The following CROCC2 variants were observed in gnomAD, a reference collection of about 807,000 sequenced individuals.
CROCC2 encodes the protein ciliary rootlet coiled-coil protein 2.
Under a neutral mutation model 177.6 loss-of-function variants are expected in CROCC2, and 163 were observed. That is an observed-to-expected ratio of 0.92 (90% CI 0.81 to 1.05). The LOEUF (loss-of-function observed/expected upper bound fraction) is 1.05, where lower values mean the gene tolerates loss of function less well. CROCC2 is among the 50% of genes least tolerant of loss of function. The pLI is 0.00. For missense variants in CROCC2, 1,929 were observed against 1,797.8 expected (o/e 1.07, Z -1.32); for synonymous variants, 904 against 787.3 (o/e 1.15, Z -2.48).
chr2:240,939,398 T>C (rs1003968544), intron 14 of CROCC2, among the ~76,000 whole-genome samples: 9 of 152,170 alleles, frequency 5.9e-5, no homozygotes, highest in Non-Finnish European at 1.3e-4. Context: ...ATTCAACTTA[T>C]AAATATTTTG....
At chr2:240,980,967 C>T (rs1437584353) in intron 27 of CROCC2, among the ~76,000 whole-genome samples, 34 of 88,952 alleles carry the variant, frequency 3.8e-4, no homozygotes, top group African/African-American at 5.9e-4. Flanking sequence ...CCTGCTCAGG[C>T]TCTGGGGTAG....
chr2:240,961,400 A>G (rs1559605845), intron 20 of CROCC2, among the ~76,000 whole-genome samples: 1 of 151,778 alleles, frequency 6.6e-6, no homozygotes, highest in Admixed American at 6.6e-5. Context: ...ACAGGCGTGC[A>G]CAGAAACGTG....
Position 240,963,563 on chromosome 2 carries a change from G to A in CROCC2, c.3095G>A (p.Arg1032Lys). Residue 1032 changes from arginine to lysine, a missense_variant, in exon 21 of 32, where the codon AGG becomes AAG. Arg to Lys is a conservative substitution (Grantham distance 26, BLOSUM62 2). Transcript: ENST00000690015. ...CTGAATGGTCCTCCCCAGGCTGAGA[G>A]GCTGCGGGCACAGCTGACCGTGGCC... The part of the protein sequence containing the change: ...ERGDVEREAE[R>K]LRAQLTVAQE... 1.3e-6 allele frequency: 2 copies of A among 1,542,120 alleles called. No individual in the cohort carries two copies. The highest frequency in any genetic ancestry group is 2.5e-5 in the East Asian group (1 of 40,714).
At chr2:240,952,313 C>CT (rs1343825539) in intron 18 of CROCC2, among the ~76,000 whole-genome samples, 23 of 64,076 alleles carry the variant, frequency 3.6e-4, no homozygotes, top group Non-Finnish European at 6.2e-4. Flanking sequence ...GATACTCCTT[C>CT]TCAAAAAAAA....
chr2:240,949,087 G>A lies in CROCC2; in HGVS notation c.2472G>A (p.Gln824=). 6.5e-7 allele frequency: 1 copy of A among 1,540,926 alleles called. No individual in the cohort carries two copies. The highest frequency in any genetic ancestry group is 1.2e-5 in the South Asian group (1 of 82,776). The change falls in exon 16 of 32, where the codon CAG becomes CAA. Residue 824 remains glutamine, a synonymous_variant. Transcript: ENST00000690015. The surrounding 1 kb of genome is among the most constrained non-coding windows in gnomAD (Gnocchi z 4.5). ...CCCGGAGCGCAGGACTCGCGCGGCA[G>A]GCCTTGCAAGGTGCTCCAAGGGCGC... ...EEARSAGLAR[Q]ALQVEMEQLQ...
chr2:240,956,904 G>T (rs2059594496), intron 19 of CROCC2, among the ~76,000 whole-genome samples: 1 of 151,994 alleles, frequency 6.6e-6, no homozygotes, highest in Non-Finnish European at 1.5e-5. Flanking sequence ...ACATAGATGG[G>T]GGCCTGGCTC....
chr2:240,967,113 G>C (rs893288793), intron 25 of CROCC2, among the ~76,000 whole-genome samples: 1 of 152,112 alleles, frequency 6.6e-6, no homozygotes, highest in Non-Finnish European at 1.5e-5. Flanking sequence ...TTTAGGCCGA[G>C]TCTCACTGGG....
intron 19 of CROCC2, among the ~76,000 whole-genome samples, chr2:240,956,934 G>A (rs897724178): frequency 7.9e-5 from 12 of 152,204 alleles, no homozygotes; most frequent in African/African-American, 2.9e-4. Flanking sequence ...GGTGGCCAGA[G>A]CCCAGCGATA....
rs1391345536 is a variant in CROCC2 at position 240,949,394 on chromosome 2, C to T, written c.2483-139C>T. On this transcript the variant is annotated intron_variant, in intron 16 of 31. Transcript: ENST00000690015. This position sits in a 1 kb window ranked among gnomAD's most constrained non-coding sequence, Gnocchi z 4.5. ...GTACCCTTGACCCTGCTCAGCCCAC[C>T]CTGCCATGTGCTGGCCACCCACTCC... The T allele has an allele frequency of 2.6e-6, 3 of 1,141,814 alleles. No individual in the cohort carries two copies. Among genetic ancestry groups the T allele is most frequent in the Non-Finnish European group, 2.5e-6 (2 of 808,524 alleles). The allele number at this position is 1,141,814 out of a possible 1,614,324, so 70.7% of individuals were successfully genotyped here.
At chr2:240,954,996 G>A (rs1004798486) in intron 18 of CROCC2, 2 of 151,958 alleles carry the variant, frequency 1.3e-5, no homozygotes, top group Non-Finnish European at 2.9e-5. Flanking sequence ...AATATACAGC[G>A]TTACCTCCCC....
At position 240,948,497 on chromosome 2, in the gene CROCC2, C is replaced by T. The variant is rs74759657; in HGVS notation, c.2364-482C>T. ...TTTGTACGTGTTGTTTAATGCCTTG[C>T]TTTGTTCACGGATAAACACCCAGCA... On this transcript the variant is annotated intron_variant, in intron 15 of 31. Transcript: ENST00000690015. 7.7e-3 allele frequency among the ~76,000 whole-genome samples: 1,179 copies of T among 152,320 alleles called. 13 individuals are homozygous for T. Among genetic ancestry groups the T allele is most frequent in the African/African-American group, 0.027 (1,129 of 41,564 alleles).
At chr2:240,930,407 C>A (rs1292153705) in intron 6 of CROCC2, 138 bp downstream of exon 6, 1 of 428,668 alleles carries the variant, frequency 2.3e-6, no homozygotes, top group East Asian at 3.5e-5. Flanking sequence ...TCTCACCCAG[C>A]CCTGGCTGGG....
chr2:240,983,461 GGAGGCGGCC>G (rs1307927240), intron 28 of CROCC2: 1 of 1,248,422 alleles, frequency 8.0e-7, no homozygotes, highest in African/African-American at 1.6e-5. Flanking sequence ...GCGGCGGGCA[GGAGGCGGCC>G]GAGGCGCAGG....
At chr2:240,969,133 G>A (rs1169267514) in intron 27 of CROCC2, among the ~76,000 whole-genome samples, 1 of 152,258 alleles carries the variant, frequency 6.6e-6, no homozygotes, top group African/African-American at 2.4e-5. Flanking sequence ...ACAGGGCACA[G>A]AGACCGGGGA....
chr2:240,962,024 A>G (rs111138503), intron 20 of CROCC2, among the ~76,000 whole-genome samples: 1 of 31,332 alleles, frequency 3.2e-5, no homozygotes. Context: ...ACACACACAC[A>G]CACACGCACG....
In CROCC2 at chr2:240,949,019, C is replaced by G; in HGVS notation, c.2404C>G (p.Gln802Glu). The G allele has an allele frequency of 6.5e-7, 1 of 1,550,090 alleles. No homozygotes were observed. The highest frequency in any genetic ancestry group is 2.4e-5 in the East Asian group (1 of 40,920). The stretch of plus-strand genomic sequence containing the variant: ...CCTGGAGAGCAGCCTCCTTGAGGCC[C>G]AACAGCTGGCCACAAAGCTGCAGGA... ...DSLESSLLEA[Q>E]QLATKLQEQL... The change falls in exon 16 of 32, where the codon CAA (glutamine) becomes GAA (glutamate). Residue 802 changes from glutamine (Q) to glutamate (E), a missense_variant. Gln to Glu is a conservative substitution (Grantham distance 29). This residue lies in a region of CROCC2 where 1,397 missense variants were observed against 1,239.9 expected (regional missense o/e 1.13). Coordinates refer to ENST00000690015, the MANE Select transcript of CROCC2 (RefSeq NM_001351305.2). This position sits in a 1 kb window ranked among gnomAD's most constrained non-coding sequence, Gnocchi z 4.5.
In CROCC2 at chr2:240,959,429, C is replaced by A. The variant is rs1054852169; in HGVS notation, c.3072C>A (p.Gly1024=). The change falls in exon 20 of 32, where the codon GGC becomes GGA. Residue 1024 remains glycine (G), a synonymous_variant. Coordinates refer to ENST00000690015, the MANE Select transcript of CROCC2 (RefSeq NM_001351305.2). The part of the protein sequence containing the change: ...ESLQDLAAER[G]DVEREAERLR... Reference sequence around the variant, plus strand: ...TCCAGGACCTAGCGGCTGAGCGGGGCGATGTGGAGAGAGAGGTGAGAGGCA... The same window carrying A: ...TCCAGGACCTAGCGGCTGAGCGGGGAGATGTGGAGAGAGAGGTGAGAGGCA... 2 of 1,550,034 alleles carry A rather than the reference C, an allele frequency of 1.3e-6. No homozygotes were observed. The highest frequency in any genetic ancestry group is 1.7e-6 in the Non-Finnish European group (2 of 1,146,756).
chr2:240,983,585 G>A (rs2059816696), intron 28 of CROCC2: 1 of 1,281,734 alleles, frequency 7.8e-7, no homozygotes. Flanking sequence ...ACAGGTAGGC[G>A]GCAGCGGTGG....
chr2:240,920,162 G>T, intron 3 of CROCC2, 28 bp downstream of exon 3: 1 of 627,320 alleles, frequency 1.6e-6, no homozygotes, highest in South Asian at 1.8e-5. Context: ...ACTCAGGGCA[G>T]GCGGGAGGTG....
Sources: gnomAD v4.1 joint callset for allele counts (sites outside exome capture counted in the v4.1 genomes callset) on GRCh38, gnomAD v4.1.1 for gene constraint, gnomAD v4.1.1 regional missense constraint, Gnocchi (gnomAD v3.1) non-coding constraint, MANE v1.5 for transcripts, NCBI Gene and HGNC (gene_info 2026-07-23, HGNC 2026-07-21) for gene names.